CSMD1: variants seen among roughly 807,000 people sequenced by gnomAD.
The protein encoded by CSMD1 is CUB and Sushi multiple domains 1.
In CSMD1, 213 loss-of-function variants were observed where a neutral mutation model predicts 417.5. The ratio of observed to expected loss-of-function variants is 0.51; its 90% confidence interval spans 0.46 to 0.57. The LOEUF is 0.57. Ranked by LOEUF, CSMD1 falls within the 20% of genes least tolerant of loss-of-function variation. The pLI, the probability that CSMD1 is intolerant of heterozygous loss-of-function variation, is 0.00. For missense variants in CSMD1, 6,923 were observed against 4,529.7 expected (o/e 1.53, Z -15.17); for synonymous variants, 2,862 against 1,736.8 (o/e 1.65, Z -16.11).
At chr8:4,297,757 A>G (rs1162548647) in intron 3 of CSMD1, among the ~76,000 whole-genome samples, 2 of 152,136 alleles carry the variant, frequency 1.3e-5, no homozygotes, top group African/African-American at 2.4e-5. Flanking sequence ...ACGATTAAGA[A>G]CCAACATCCT....
chr8:4,505,929 G>C (rs1005046573), intron 2 of CSMD1, among the ~76,000 whole-genome samples: 6 of 151,974 alleles, frequency 3.9e-5, no homozygotes, highest in African/African-American at 9.7e-5. Flanking sequence ...CTCCTGAGTA[G>C]CTGGGATTAC....
chr8:4,592,749 C>G lies in CSMD1; in HGVS notation c.302+44593G>C, dbSNP rs372339646. 2.1e-3 allele frequency among the ~76,000 whole-genome samples: 312 copies of G among 152,160 alleles called. 2 individuals are homozygous for G. Among genetic ancestry groups the G allele is most frequent in the African/African-American group, 7.4e-3 (306 of 41,514 alleles). On this transcript the variant is annotated intron_variant, in intron 2 of 69. Transcript: ENST00000635120. Reference sequence around the variant, plus strand: ...TCCAAAATGTGTGCTAAATTTTTATCTACGAATTTTAATATTTATACTTAG... The same window carrying G: ...TCCAAAATGTGTGCTAAATTTTTATGTACGAATTTTAATATTTATACTTAG...
At chr8:3,888,117 A>T (rs1329894538) in intron 5 of CSMD1, among the ~76,000 whole-genome samples, 1 of 152,196 alleles carries the variant, frequency 6.6e-6, no homozygotes, top group East Asian at 1.9e-4. Flanking sequence ...CCTTTGCCTA[A>T]GTGGGATAAC....
At chr8:3,742,135 C>T (rs1382452061) in intron 6 of CSMD1, among the ~76,000 whole-genome samples, 1 of 152,124 alleles carries the variant, frequency 6.6e-6, no homozygotes. Flanking sequence ...TTTGTCTATC[C>T]ACCTAGTCAC....
rs1025709789 is a variant in CSMD1, at chr8:3,767,801, G to A, written c.819-13759C>T. Among the ~76,000 whole-genome samples, 4 of 152,022 alleles carry A rather than the reference G, an allele frequency of 2.6e-5. No individual in the cohort carries two copies. The East Asian group carries it at 5.8e-4, about 22-fold the overall frequency. On this transcript the variant is annotated intron_variant, in intron 5 of 69. Coordinates refer to ENST00000635120, the MANE Select transcript of CSMD1 (RefSeq NM_033225.6). ...AGTGCTCTCATCTTCTCACGTACAC[G>A]GGCTTCCACCAGCACTGCAGCCTTG...
At chr8:4,336,753 A>T (rs759236172) in intron 3 of CSMD1, among the ~76,000 whole-genome samples, 2 of 152,094 alleles carry the variant, frequency 1.3e-5, no homozygotes, top group Non-Finnish European at 2.9e-5. Context: ...TGGTGACTGG[A>T]TCCACAATGG....
At chr8:4,327,582 T>A (rs1477390835) in intron 3 of CSMD1, among the ~76,000 whole-genome samples, 1 of 152,030 alleles carries the variant, frequency 6.6e-6, no homozygotes, top group African/African-American at 2.4e-5. Flanking sequence ...CTGTCACTCA[T>A]ACTACAAAGA....
At chr8:4,217,942 G>T (rs73496599) in intron 3 of CSMD1, among the ~76,000 whole-genome samples, 5 of 152,176 alleles carry the variant, frequency 3.3e-5, no homozygotes, top group South Asian at 2.1e-4. Context: ...AAAGAAATGT[G>T]CAGAGGCTCC....
chr8:4,302,463 CA>C (rs1798029818), intron 3 of CSMD1, among the ~76,000 whole-genome samples: 1 of 152,130 alleles, frequency 6.6e-6, no homozygotes, highest in African/African-American at 2.4e-5. Flanking sequence ...ATCGTGCAGA[CA>C]AAACAGCAGT....
In CSMD1 at chr8:4,312,376, A is replaced by AATATAT. The variant is rs535230667; in HGVS notation, c.415+107571_415+107576dup. Among the ~76,000 whole-genome samples, 567 of 63,134 alleles carry AATATAT rather than the reference A, an allele frequency of 9.0e-3. 73 individuals are homozygous for AATATAT. The highest frequency in any genetic ancestry group is 0.035 in the African/African-American group (547 of 15,734). 41.4% of individuals were successfully genotyped at this position (63,134 alleles called of 152,430 possible). A position where few individuals can be genotyped will look rare whatever the true frequency, so the allele number is the denominator to read the frequency against. On this transcript the variant is annotated intron_variant, in intron 3 of 69. Coordinates refer to ENST00000635120, the MANE Select transcript of CSMD1 (RefSeq NM_033225.6). ...TAAGCTAATTACTTTTAATGGAACA[A>AATATAT]ATATATATATATATATACATACATA... is the stretch of plus-strand genomic sequence containing the variant.
chr8:3,747,492 C>G (rs937917168), intron 6 of CSMD1, among the ~76,000 whole-genome samples: 1 of 133,338 alleles, frequency 7.5e-6, no homozygotes, highest in Non-Finnish European at 1.7e-5. Context: ...ACAAATCATA[C>G]GTTTGTTTTT....
At chr8:3,842,913 A>G (rs1803227238) in intron 5 of CSMD1, among the ~76,000 whole-genome samples, 1 of 152,186 alleles carries the variant, frequency 6.6e-6, no homozygotes, top group African/African-American at 2.4e-5. Flanking sequence ...TAAAATTTTA[A>G]AAACGCACTG....
intron 4 of CSMD1, among the ~76,000 whole-genome samples, chr8:4,001,561 C>T (rs1283256810): frequency 6.6e-6 from 1 of 152,152 alleles, no homozygotes; most frequent in Non-Finnish European, 1.5e-5. Context: ...ATGCAGTTTC[C>T]TTCTATTTAA....
intron 3 of CSMD1, among the ~76,000 whole-genome samples, chr8:4,033,454 C>G (rs1797462049): frequency 6.6e-6 from 1 of 151,936 alleles, no homozygotes; most frequent in African/African-American, 2.4e-5. Context: ...AAAAACAAAA[C>G]AACAACAATA....
At chr8:4,935,084 G>T (rs1029637902) in intron 1 of CSMD1, among the ~76,000 whole-genome samples, 1 of 152,056 alleles carries the variant, frequency 6.6e-6, no homozygotes, top group Non-Finnish European at 1.5e-5. Flanking sequence ...ATCACAACAG[G>T]CCCCATGATC....
intron 3 of CSMD1, among the ~76,000 whole-genome samples, chr8:4,105,177 A>G (rs993604688): frequency 3.3e-5 from 5 of 152,174 alleles, no homozygotes; most frequent in African/African-American, 9.7e-5. Context: ...CATTCCATGG[A>G]TGCCATACAT....
At chr8:4,670,083 C>T (rs148160900) in intron 1 of CSMD1, among the ~76,000 whole-genome samples, 2 of 152,238 alleles carry the variant, frequency 1.3e-5, no homozygotes, top group Non-Finnish European at 2.9e-5. Context: ...TTTGGTGCCC[C>T]CACGTCCACA....
chr8:3,859,795 T>G (rs1331090588), intron 5 of CSMD1, among the ~76,000 whole-genome samples: 1 of 152,174 alleles, frequency 6.6e-6, no homozygotes, highest in Non-Finnish European at 1.5e-5. Context: ...CAGAGGTCAA[T>G]GCATCCTGAT....
intron 10 of CSMD1, among the ~76,000 whole-genome samples, chr8:3,520,365 G>A (rs941764675): frequency 3.9e-5 from 6 of 151,924 alleles, no homozygotes; most frequent in Non-Finnish European, 8.8e-5. Context: ...TAATAATTAT[G>A]ATCCTCAAAA....
Sources: gnomAD v4.1 joint callset for allele counts (sites outside exome capture counted in the v4.1 genomes callset) on GRCh38, gnomAD v4.1.1 for gene constraint, MANE v1.5 for transcripts, NCBI Gene and HGNC (gene_info 2026-07-23, HGNC 2026-07-21) for gene names.